Variants in CA10 observed in about 807,000 individuals in gnomAD.
CA10 encodes carbonic anhydrase 10 (inactive), also known as carbonic anhydrase-related protein 10.
Under a neutral mutation model 44.2 loss-of-function variants are expected in CA10, and 14 were observed. The observed-to-expected ratio is 0.32, with a 90% confidence interval of 0.21 to 0.50. The LOEUF (loss-of-function observed/expected upper bound fraction) is 0.50. Among genes scored for constraint, CA10 ranks in the 20% least tolerant of loss-of-function variants. CA10 has a pLI of 0.99. For synonymous variants in CA10, 159 were observed against 141.6 expected, an observed-to-expected ratio of 1.12 and a Z score of -0.87; for missense variants, 350 against 409.7, an observed-to-expected ratio of 0.85 and a Z score of 1.26.
chr17:51,840,280 A>G (rs986989356), intron 3 of CA10, among the ~76,000 whole-genome samples: 1 of 152,170 alleles, frequency 6.6e-6, no homozygotes, highest in African/African-American at 2.4e-5. Context: ...CTCAGGCTTT[A>G]CCACAGAGCT....
At chr17:52,108,844 C>G (rs1988730024) in intron 1 of CA10, among the ~76,000 whole-genome samples, 1 of 151,436 alleles carries the variant, frequency 6.6e-6, no homozygotes, top group African/African-American at 2.4e-5. Context: ...CAAAATCTCA[C>G]AAATCACCAC....
At chr17:51,711,894 G>C (rs1915953855) in intron 4 of CA10, among the ~76,000 whole-genome samples, 1 of 152,166 alleles carries the variant, frequency 6.6e-6, no homozygotes, top group Non-Finnish European at 1.5e-5. Context: ...AGTCCCCCAG[G>C]AAAAGCGGTG....
chr17:52,067,911 C>G (rs1987578492), intron 2 of CA10, among the ~76,000 whole-genome samples: 1 of 152,162 alleles, frequency 6.6e-6, no homozygotes, highest in African/African-American at 2.4e-5. Flanking sequence ...AACTAAGTTG[C>G]TTTTGATTTT....
At chr17:51,767,670 A>C (rs1238095660) in intron 3 of CA10, among the ~76,000 whole-genome samples, 1 of 151,926 alleles carries the variant, frequency 6.6e-6, no homozygotes, top group Non-Finnish European at 1.5e-5. Flanking sequence ...ACATTGTAAC[A>C]TATAATGAAA....
At chr17:52,002,505 A>T (rs998837096) in intron 2 of CA10, among the ~76,000 whole-genome samples, 1 of 152,022 alleles carries the variant, frequency 6.6e-6, no homozygotes, top group African/African-American at 2.4e-5. Context: ...GAGTCAAAGA[A>T]AAAAAGTCCA....
At chr17:51,635,213 T>C (rs1912772560) in intron 7 of CA10, among the ~76,000 whole-genome samples, 1 of 152,088 alleles carries the variant, frequency 6.6e-6, no homozygotes, top group African/African-American at 2.4e-5. Context: ...GAGAACACCT[T>C]ATAAAGATGG....
chr17:52,060,101 G>A (rs976348925), intron 2 of CA10, among the ~76,000 whole-genome samples: 9 of 152,080 alleles, frequency 5.9e-5, no homozygotes, highest in African/African-American at 2.2e-4. Flanking sequence ...ACAAACACAT[G>A]TTGATATCAC....
At chr17:51,822,048 T>G (rs1200986781) in intron 3 of CA10, among the ~76,000 whole-genome samples, 9 of 152,290 alleles carry the variant, frequency 5.9e-5, no homozygotes, top group African/African-American at 2.2e-4. Context: ...ACACCAATCC[T>G]GGCCTAGACT....
intron 2 of CA10, among the ~76,000 whole-genome samples, chr17:51,945,262 G>C (rs1166755540): frequency 6.6e-6 from 1 of 152,120 alleles, no homozygotes; most frequent in Non-Finnish European, 1.5e-5. Flanking sequence ...ATGTTTTAGA[G>C]ACGGCATTTT....
At chr17:51,871,451 G>A (rs1349546824) in intron 3 of CA10, among the ~76,000 whole-genome samples, 7 of 142,374 alleles carry the variant, frequency 4.9e-5, no homozygotes, top group African/African-American at 1.6e-4. Context: ...TGTTGGCCAG[G>A]CTGGTCACGA....
At chr17:51,842,980 A>G (rs1224946770) in intron 3 of CA10, among the ~76,000 whole-genome samples, 6 of 152,246 alleles carry the variant, frequency 3.9e-5, no homozygotes, top group African/African-American at 1.4e-4. Context: ...TGTGCAAATG[A>G]TAAGTACAGT....
At chr17:52,080,313 T>C (rs902322824) in intron 1 of CA10, among the ~76,000 whole-genome samples, 1 of 151,738 alleles carries the variant, frequency 6.6e-6, no homozygotes, top group South Asian at 2.1e-4. Flanking sequence ...TTAGCTGGGC[T>C]TGGTGGCCGG....
At chr17:52,081,363 A>G (rs984617928) in intron 1 of CA10, among the ~76,000 whole-genome samples, 8 of 152,312 alleles carry the variant, frequency 5.3e-5, no homozygotes, top group African/African-American at 1.9e-4. Context: ...TAAGAAAACT[A>G]AAAGTGGCCA....
intron 3 of CA10, among the ~76,000 whole-genome samples, chr17:51,912,450 C>T (rs1171383798): frequency 6.6e-6 from 1 of 152,072 alleles, no homozygotes; most frequent in Non-Finnish European, 1.5e-5. Flanking sequence ...ATTTACTGTG[C>T]TCCATATGGT....
chr17:51,663,599 G>T (rs1355795947), intron 4 of CA10, among the ~76,000 whole-genome samples: 1 of 152,096 alleles, frequency 6.6e-6, no homozygotes, highest in African/African-American at 2.4e-5. Context: ...TCAAATAATC[G>T]TGCTGATTAA....
At chr17:51,830,423 TA>T (rs957896397) in intron 3 of CA10, among the ~76,000 whole-genome samples, 130 of 147,812 alleles carry the variant, frequency 8.8e-4, no homozygotes, top group Middle Eastern at 3.4e-3. Flanking sequence ...GTATTGGACT[TA>T]AAAAAAAAAC....
chr17:52,105,707 C>T (rs1200187869), intron 1 of CA10, among the ~76,000 whole-genome samples: 4 of 152,212 alleles, frequency 2.6e-5, no homozygotes, highest in Non-Finnish European at 5.9e-5. Context: ...CAGCAAGTCC[C>T]ACTAAGTGAT....
chr17:52,047,233 G>A (rs1986937222), intron 2 of CA10, among the ~76,000 whole-genome samples: 1 of 151,924 alleles, frequency 6.6e-6, no homozygotes, highest in African/African-American at 2.4e-5. Context: ...ATATGCATAT[G>A]GTTCTCTTAA....
chr17:51,882,017 TTCA>T (rs1396530462), intron 3 of CA10, among the ~76,000 whole-genome samples: 7 of 151,242 alleles, frequency 4.6e-5, no homozygotes, highest in African/African-American at 1.5e-4. Flanking sequence ...ATGCTAATGG[TTCA>T]TCAATAGCCC....
Sources: allele counts gnomAD v4.1 joint callset (sites outside exome capture counted in the v4.1 genomes callset), GRCh38; gene constraint gnomAD v4.1.1; transcripts MANE v1.5; gene names NCBI Gene and HGNC (gene_info 2026-07-23, HGNC 2026-07-21).